RGSL1: variants seen among roughly 807,000 people sequenced by gnomAD.
RGSL1 encodes the protein regulator of G protein signaling like 1.
Under a neutral mutation model 124.7 loss-of-function variants are expected in RGSL1, and 97 were observed. That is an observed-to-expected ratio of 0.78 (90% CI 0.66 to 0.92). The LOEUF is 0.92. Among genes scored for constraint, RGSL1 ranks in the 40% least tolerant of loss-of-function variants. The pLI, the probability that RGSL1 is intolerant of heterozygous loss-of-function variation, is 0.00. For missense variants in RGSL1, 1,233 were observed against 1,288.4 expected, an observed-to-expected ratio of 0.96 and a Z score of 0.66; for synonymous variants, 424 against 438.1, an observed-to-expected ratio of 0.97 and a Z score of 0.40.
chr1:182,509,390 C>T (rs1330274819), intron 9 of RGSL1, among the ~76,000 whole-genome samples: 7 of 25,896 alleles, frequency 2.7e-4, no homozygotes, highest in Admixed American at 5.7e-4. Context: ...TAGGGGCGGC[C>T]GGGCAGAGGC....
At chr1:182,556,827 A>G (rs1034558181) in intron 21 of RGSL1, among the ~76,000 whole-genome samples, 1 of 152,218 alleles carries the variant, frequency 6.6e-6, no homozygotes, top group African/African-American at 2.4e-5. Flanking sequence ...CCTTTGAGAA[A>G]AAAAAAATCA....
intron 14 of RGSL1, among the ~76,000 whole-genome samples, chr1:182,535,490 G>C (rs565821296): frequency 6.6e-6 from 1 of 152,286 alleles, no homozygotes; most frequent in South Asian, 2.1e-4. Context: ...TGAGTAGGCT[G>C]CCTGTCCTTT....
rs142698138 is a variant in RGSL1, at chr1:182,473,845, G to A, written c.734G>A (p.Arg245Gln). The part of the protein sequence containing the change: ...SIKKCHHFQK[R>Q]YSSRKAKRKM... ...AAGAAGTGCCACCACTTTCAGAAAC[G>A]GTACTCAAGCAGGAAAGCCAAGAGG... Residue 245 changes from arginine to glutamine, a missense_variant, in exon 6 of 22, where the codon CGG (arginine) becomes CAG (glutamine). Coordinates refer to ENST00000294854, the MANE Select transcript of RGSL1 (RefSeq NM_001137669.2). 1.0e-5 allele frequency: 16 copies of A among 1,551,588 alleles called. No homozygotes were observed. Among genetic ancestry groups the A allele is most frequent in the East Asian group, 4.9e-5 (2 of 40,922 alleles).
At chr1:182,551,453 G>A (rs1660558503) in intron 18 of RGSL1, among the ~76,000 whole-genome samples, 1 of 152,156 alleles carries the variant, frequency 6.6e-6, no homozygotes, top group Non-Finnish European at 1.5e-5. Context: ...TGTGCATGCC[G>A]GTCACAGTCT....
chr1:182,454,037 C>A lies in RGSL1; in HGVS notation c.93C>A (p.Leu31=). Residue 31 remains leucine, a synonymous_variant, in exon 2 of 22, where the codon CTC becomes CTA. Coordinates refer to ENST00000294854, the MANE Select transcript of RGSL1 (RefSeq NM_001137669.2). The part of the protein sequence containing the change: ...FADFFNTFLS[L]PVFGQTPFYT... The stretch of plus-strand genomic sequence containing the variant: ...ATTTTTTCAACACATTTCTTTCCCT[C>A]CCGGTAAGCATTCTCAGATTTAAAT... 1 of 1,500,302 alleles carries A rather than the reference C, an allele frequency of 6.7e-7. No individual in the cohort carries two copies. Among genetic ancestry groups the A allele is most frequent in the Non-Finnish European group, 9.1e-7 (1 of 1,100,332 alleles). The allele number at this position is 1,500,302 out of a possible 1,614,324, so 92.9% of individuals were successfully genotyped here.
At chr1:182,514,972 A>G (rs756555525) in intron 9 of RGSL1, among the ~76,000 whole-genome samples, 3 of 152,194 alleles carry the variant, frequency 2.0e-5, no homozygotes, top group Non-Finnish European at 4.4e-5. Flanking sequence ...TTTGAAAGAC[A>G]GGAAAGTAGA....
Position 182,525,404 on chromosome 1 carries a change from T to C in RGSL1, c.1932-2175T>C, listed in dbSNP as rs530043681. ...TGTAAAGAATTAAAGGAAGGTATGA[T>C]GATAATGATTAACCAAATATAGAAT... is the stretch of plus-strand genomic sequence containing the variant. On this transcript the variant is annotated intron_variant, in intron 10 of 21. Coordinates refer to ENST00000294854, the MANE Select transcript of RGSL1 (RefSeq NM_001137669.2). Among the ~76,000 whole-genome samples, 126 of 152,218 alleles carry C rather than the reference T, an allele frequency of 8.3e-4. 1 individual carries two copies. Among genetic ancestry groups the C allele is most frequent in the African/African-American group, 2.9e-3 (121 of 41,538 alleles).
chr1:182,552,106 A>G (rs1287231393), intron 18 of RGSL1, among the ~76,000 whole-genome samples: 2 of 150,616 alleles, frequency 1.3e-5, no homozygotes. Flanking sequence ...TTGGTACTTG[A>G]GCAAAAGGGA....
At chr1:182,546,559 A>C (rs976695437) in intron 15 of RGSL1, among the ~76,000 whole-genome samples, 11 of 151,960 alleles carry the variant, frequency 7.2e-5, no homozygotes, top group African/African-American at 2.2e-4. Flanking sequence ...ACGCCCAGCT[A>C]ATTTTTGTAT....
At chr1:182,500,473 C>T (rs752349137) in intron 9 of RGSL1, among the ~76,000 whole-genome samples, 12 of 151,894 alleles carry the variant, frequency 7.9e-5, no homozygotes, top group Non-Finnish European at 1.2e-4. Context: ...TTTTCAAGGT[C>T]GTTTTTGCTA....
At chr1:182,499,403 A>G (rs1186334819) in intron 9 of RGSL1, among the ~76,000 whole-genome samples, 1 of 152,190 alleles carries the variant, frequency 6.6e-6, no homozygotes, top group Non-Finnish European at 1.5e-5. Context: ...GTCTTGTTTA[A>G]TTGAACCTTT....
intron 8 of RGSL1, among the ~76,000 whole-genome samples, chr1:182,492,185 G>A (rs1485743739): frequency 6.6e-6 from 1 of 152,130 alleles, no homozygotes; most frequent in Non-Finnish European, 1.5e-5. Context: ...AATTTTTTTT[G>A]AAGCAATAGT....
intron 16 of RGSL1, 88 bp from the exon 17 acceptor site, chr1:182,548,612 G>GGGT: frequency 6.6e-7 from 1 of 1,523,870 alleles, no homozygotes; most frequent in Non-Finnish European, 8.8e-7. Flanking sequence ...TTTGGAGAGG[G>GGGT]GGTGGTCATG....
chr1:182,557,433 A>G (rs2102346795), intron 21 of RGSL1, among the ~76,000 whole-genome samples: 1 of 152,352 alleles, frequency 6.6e-6, no homozygotes, highest in South Asian at 2.1e-4. Context: ...CACAAGCCCC[A>G]GGCATGAAAC....
chr1:182,500,162 G>A (rs1656241931), intron 9 of RGSL1, among the ~76,000 whole-genome samples: 1 of 152,116 alleles, frequency 6.6e-6, no homozygotes, highest in South Asian at 2.1e-4. Flanking sequence ...ACTTAAGTTT[G>A]TTATTCATTT....
chr1:182,520,278 C>A (rs1658236009), intron 9 of RGSL1, among the ~76,000 whole-genome samples: 1 of 152,086 alleles, frequency 6.6e-6, no homozygotes, highest in Non-Finnish European at 1.5e-5. Flanking sequence ...TTATTGTTTT[C>A]TTTAGTCTTT....
intron 9 of RGSL1, among the ~76,000 whole-genome samples, chr1:182,495,237 C>T (rs1274051709): frequency 2.0e-5 from 3 of 152,218 alleles, no homozygotes; most frequent in Non-Finnish European, 4.4e-5. Flanking sequence ...GCCTCCATCC[C>T]TGCCACCTAG....
At chr1:182,450,308 T>A in intron 1 of RGSL1, 130 bp downstream of exon 1, 1 of 977,228 alleles carries the variant, frequency 1.0e-6, no homozygotes, top group Non-Finnish European at 1.6e-6. Flanking sequence ...TATTCATGCC[T>A]TTGTTTTCCT....
At chr1:182,543,886 G>A (rs187651776) in intron 15 of RGSL1, among the ~76,000 whole-genome samples, 17 of 151,684 alleles carry the variant, frequency 1.1e-4, no homozygotes, top group African/African-American at 3.9e-4. Context: ...ATTTATTTGG[G>A]TCTTCTCTCT....
Sources: gnomAD v4.1 joint callset for allele counts (sites outside exome capture counted in the v4.1 genomes callset) on GRCh38, gnomAD v4.1.1 for gene constraint, MANE v1.5 for transcripts, NCBI Gene and HGNC (gene_info 2026-07-23, HGNC 2026-07-21) for gene names.